The following LHFPL4 variants were observed in gnomAD, a reference collection of about 807,000 sequenced individuals.
The protein encoded by LHFPL4 is LHFPL tetraspan subfamily member 4 protein.
In LHFPL4, 6 loss-of-function variants were observed where a neutral mutation model predicts 20.0. That is an observed-to-expected ratio of 0.30 (90% CI 0.16 to 0.59). LHFPL4 has a LOEUF of 0.59. LHFPL4 is among the 20% of genes least tolerant of loss of function. The pLI is 0.88. For missense variants in LHFPL4, 215 were observed against 331.2 expected (o/e 0.65, Z 2.72); for synonymous variants, 129 against 143.8 (o/e 0.90, Z 0.74).
chr3:9,518,002 T>G (rs780755390), intron 2 of LHFPL4, among the ~76,000 whole-genome samples: 1 of 152,158 alleles, frequency 6.6e-6, no homozygotes, highest in Non-Finnish European at 1.5e-5. Context: ...GTTCTTGATC[T>G]TAGTGGGAAA....
At chr3:9,546,547 T>C (rs2046514453) in intron 2 of LHFPL4, among the ~76,000 whole-genome samples, 1 of 152,140 alleles carries the variant, frequency 6.6e-6, no homozygotes, top group South Asian at 2.1e-4. Context: ...CTCCCTTCCA[T>C]GGAATGAGGA....
At chr3:9,524,733 C>G (rs1249208269) in intron 2 of LHFPL4, among the ~76,000 whole-genome samples, 1 of 152,120 alleles carries the variant, frequency 6.6e-6, no homozygotes, top group Non-Finnish European at 1.5e-5. Context: ...TCCAACATGC[C>G]TGCCATAATT....
intron 2 of LHFPL4, among the ~76,000 whole-genome samples, chr3:9,513,885 G>T (rs1377467835): frequency 2.0e-5 from 3 of 152,186 alleles, no homozygotes; most frequent in Admixed American, 6.5e-5. Flanking sequence ...TTTGGGGTGT[G>T]AGGGTGGCAC....
At chr3:9,530,527 G>A (rs999141265) in intron 2 of LHFPL4, among the ~76,000 whole-genome samples, 1 of 152,166 alleles carries the variant, frequency 6.6e-6, no homozygotes, top group African/African-American at 2.4e-5. Flanking sequence ...GGAATGCTGT[G>A]CTGGTTTGAT....
intron 2 of LHFPL4, among the ~76,000 whole-genome samples, chr3:9,522,507 A>G (rs1335960835): frequency 6.6e-6 from 1 of 151,702 alleles, no homozygotes; most frequent in Non-Finnish European, 1.5e-5. Flanking sequence ...TGGGAGGCCA[A>G]GGCGGGCAGA....
At chr3:9,524,496 G>T (rs1255840512) in intron 2 of LHFPL4, among the ~76,000 whole-genome samples, 1 of 151,842 alleles carries the variant, frequency 6.6e-6, no homozygotes, top group Non-Finnish European at 1.5e-5. Flanking sequence ...ACATATCTTT[G>T]AATTCAGAGA....
At chr3:9,530,064 C>A (rs2046399869) in intron 2 of LHFPL4, among the ~76,000 whole-genome samples, 1 of 152,022 alleles carries the variant, frequency 6.6e-6, no homozygotes, top group African/African-American at 2.4e-5. Flanking sequence ...ATAGAGTTAG[C>A]ATAATTCTTA....
At chr3:9,502,391 A>C in intron 3 of LHFPL4, 80 bp from the exon 4 acceptor site, 1 of 1,085,766 alleles carries the variant, frequency 9.2e-7, no homozygotes, top group East Asian at 2.5e-5. Context: ...CTTTCCTTGC[A>C]CATTCCCCAG....
chr3:9,523,989 C>CCT (rs1553647652), intron 2 of LHFPL4, among the ~76,000 whole-genome samples: 1 of 141,392 alleles, frequency 7.1e-6, no homozygotes, highest in South Asian at 2.5e-4. Context: ...TATTTCCCCC[C>CCT]CCCCCAACAC....
chr3:9,502,703 CA>C (rs34313508), intron 3 of LHFPL4, among the ~76,000 whole-genome samples: 9,522 of 125,758 alleles, frequency 0.076, 359 homozygotes, highest in Middle Eastern at 0.13. Flanking sequence ...AACTCCATCT[CA>C]AAAAAAAAAA....
intron 3 of LHFPL4, among the ~76,000 whole-genome samples, chr3:9,504,787 T>C (rs1428773144): frequency 1.3e-5 from 2 of 149,394 alleles, no homozygotes; most frequent in Non-Finnish European, 3.0e-5. Flanking sequence ...ATCGCGCCAC[T>C]GCACTCCAGC....
chr3:9,551,172 T>C (rs1364509718), intron 2 of LHFPL4: 3 of 152,200 alleles, frequency 2.0e-5, no homozygotes, highest in Non-Finnish European at 4.4e-5. Context: ...GCAAGTGATA[T>C]AATGCCTCCT....
intron 2 of LHFPL4, among the ~76,000 whole-genome samples, chr3:9,542,486 T>G (rs2648399): frequency 0.043 from 6,490 of 152,078 alleles, 176 homozygotes; most frequent in Non-Finnish European, 0.062. Flanking sequence ...GAAAATGTTA[T>G]GCTAAGTGAA....
chr3:9,503,340 T>C (rs2046192392), intron 3 of LHFPL4, among the ~76,000 whole-genome samples: 1 of 152,130 alleles, frequency 6.6e-6, no homozygotes, highest in Non-Finnish European at 1.5e-5. Flanking sequence ...CCACACCCCT[T>C]CTTGAGAAAG....
At chr3:9,523,107 AAAGC>A (rs140174455) in intron 2 of LHFPL4, among the ~76,000 whole-genome samples, 1,465 of 143,232 alleles carry the variant, frequency 0.01, 9 homozygotes, top group South Asian at 0.037. Flanking sequence ...AGAGAGAGAG[AAAGC>A]AAGCAAGCAA....
Position 9,500,588 on chromosome 3 carries a change from A to C in LHFPL4, c.*1623T>G, listed in dbSNP as rs1227002483. The C allele has an allele frequency of 6.6e-6, 1 of 152,236 alleles. No individual in the cohort carries two copies. Among genetic ancestry groups the C allele is most frequent in the Non-Finnish European group, 1.5e-5 (1 of 68,090 alleles). The allele number at this position is 152,236 out of a possible 1,614,324, so 9.4% of individuals were successfully genotyped here. ...AACTCTCAGGTCCAAGTCCTGTGGA[A>C]ATGAACACAAGGTTGGCAAACACAT... is the stretch of plus-strand genomic sequence containing the variant. On this transcript the variant is annotated 3_prime_UTR_variant, in exon 4 of 4. Coordinates refer to ENST00000287585, the MANE Select transcript of LHFPL4 (RefSeq NM_198560.3).
At chr3:9,503,861 A>G (rs2046196058) in intron 3 of LHFPL4, among the ~76,000 whole-genome samples, 1 of 152,138 alleles carries the variant, frequency 6.6e-6, no homozygotes, top group Non-Finnish European at 1.5e-5. Flanking sequence ...CCTCGTCTCT[A>G]CAAAAAATAC....
chr3:9,533,322 C>G (rs1222103291), intron 2 of LHFPL4, among the ~76,000 whole-genome samples: 1 of 152,148 alleles, frequency 6.6e-6, no homozygotes, highest in African/African-American at 2.4e-5. Context: ...TGTCTATTAA[C>G]AATGTAATGG....
intron 2 of LHFPL4, among the ~76,000 whole-genome samples, chr3:9,532,553 T>C (rs2046416564): frequency 1.3e-5 from 2 of 152,142 alleles, no homozygotes; most frequent in Admixed American, 1.3e-4. Flanking sequence ...TTTCTGGGCT[T>C]GTCTCAAACT....
Sources: allele counts gnomAD v4.1 joint callset (sites outside exome capture counted in the v4.1 genomes callset), GRCh38; gene constraint gnomAD v4.1.1; transcripts MANE v1.5; gene names NCBI Gene and HGNC (gene_info 2026-07-23, HGNC 2026-07-21).